The following SKIL variants were observed in gnomAD, a reference collection of about 807,000 sequenced individuals.
SKIL encodes SKI like proto-oncogene.
A neutral mutation model predicts 69.6 loss-of-function variants in SKIL; 20 were observed. The ratio of observed to expected loss-of-function variants is 0.29; its 90% CI spans 0.20 to 0.42. The LOEUF is 0.42. Ranked by LOEUF, SKIL falls within the 10% of genes least tolerant of loss-of-function variation. The probability of loss-of-function intolerance (pLI) is 1.00; values close to 1 mark genes in which losing one functional copy is unlikely to be tolerated. For missense variants in SKIL, 745 were observed against 783.1 expected (o/e 0.95, Z 0.58); for synonymous variants, 310 against 279.9 (o/e 1.11, Z -1.08).
intron 2 of SKIL, among the ~76,000 whole-genome samples, chr3:170,364,172 C>A (rs541286003): frequency 6.6e-6 from 1 of 152,022 alleles, no homozygotes; most frequent in African/African-American, 2.4e-5. Context: ...AGGCTGGCCT[C>A]GAACTCCTGA....
Position 170,395,692 on chromosome 3 carries a change from GGC to G in SKIL, c.*3276_*3277del, listed in dbSNP as rs1406288189. ...GCTTCTAAAATTTTCTTCTCAATAA[GGC>G]ATATGTTTTGATTACTTAGGGAAGA... On this transcript the variant is annotated 3_prime_UTR_variant, in exon 7 of 7. Coordinates refer to ENST00000259119, the MANE Select transcript of SKIL (RefSeq NM_005414.5). The G allele has an allele frequency of 6.6e-6, 1 of 151,992 alleles. No individual in the cohort carries two copies. The highest frequency in any genetic ancestry group is 1.5e-5 in the Non-Finnish European group (1 of 67,906). 9.4% of individuals were successfully genotyped at this position (151,992 alleles called of 1,614,324 possible). A position where few individuals can be genotyped will look rare whatever the true frequency, so the allele number is the denominator to read the frequency against.
chr3:170,366,055 C>CT (rs753671366), intron 2 of SKIL, among the ~76,000 whole-genome samples: 1,651 of 128,298 alleles, frequency 0.013, 13 homozygotes, highest in Middle Eastern at 0.038. Flanking sequence ...TGCGCCTGGC[C>CT]TTTTTTTTTT....
intron 2 of SKIL, among the ~76,000 whole-genome samples, chr3:170,379,662 TGAGAC>T (rs1348716582): frequency 1.3e-5 from 2 of 152,144 alleles, no homozygotes; most frequent in African/African-American, 2.4e-5. Context: ...TTTTGTTTTT[TGAGAC>T]GATTCTTGCT....
chr3:170,388,389 T>A (rs1338934503), intron 4 of SKIL, among the ~76,000 whole-genome samples: 1 of 152,220 alleles, frequency 6.6e-6, no homozygotes, highest in Non-Finnish European at 1.5e-5. Context: ...TTATATATTC[T>A]GGATACTGGA....
chr3:170,380,649 A>T (rs1001900458), intron 2 of SKIL, among the ~76,000 whole-genome samples: 4 of 152,002 alleles, frequency 2.6e-5, no homozygotes, highest in African/African-American at 7.3e-5. Flanking sequence ...TCTCAAAAAA[A>T]AAAAAAAAAT....
At chr3:170,387,476 A>C (rs1737693615) in intron 4 of SKIL, among the ~76,000 whole-genome samples, 1 of 151,852 alleles carries the variant, frequency 6.6e-6, no homozygotes, top group African/African-American at 2.4e-5. Context: ...TGCTTCTTTC[A>C]TGAAAGATAA....
Position 170,360,348 on chromosome 3 carries a change from C to G in SKIL, c.17C>G (p.Thr6Arg), listed in dbSNP as rs772471612. The G allele has an allele frequency of 6.4e-7, 1 of 1,559,658 alleles. No homozygotes were observed. The highest frequency in any genetic ancestry group is 1.4e-5 in the African/African-American group (1 of 72,862). Residue 6 changes from threonine (T) to arginine (R), a missense_variant, in exon 2 of 7, where the codon ACA becomes AGA. Physicochemically the swap from Thr to Arg is moderately conservative, Grantham distance 71. Transcript: ENST00000259119. ...GAGTGTACCATGGAAAACCTCCAGA[C>G]AAATTTCTCCTTGGTTCAGGGCTCA... MENLQ[T>R]NFSLVQGSTK...
At chr3:170,359,469 G>C (rs953133883) in intron 1 of SKIL, among the ~76,000 whole-genome samples, 1 of 152,052 alleles carries the variant, frequency 6.6e-6, no homozygotes. Context: ...GTCGTGGCTT[G>C]TGCCTGTAGT....
intron 1 of SKIL, among the ~76,000 whole-genome samples, chr3:170,358,338 A>T (rs1271132356): frequency 7.1e-6 from 1 of 140,374 alleles, no homozygotes; most frequent in Non-Finnish European, 1.6e-5. Context: ...CGGTGTTGGG[A>T]GGGCACTTGG....
At chr3:170,383,649 G>A (rs79720986) in intron 3 of SKIL, among the ~76,000 whole-genome samples, 2,647 of 152,294 alleles carry the variant, frequency 0.017, 57 homozygotes, top group East Asian at 0.095. Context: ...AAGTAGTGAA[G>A]TATTTCAAGA....
chr3:170,390,255 A>G lies in SKIL; in HGVS notation c.1462A>G (p.Arg488Gly). 6.2e-7 allele frequency: 1 copy of G among 1,612,178 alleles called. No individual in the cohort carries two copies. Among genetic ancestry groups the G allele is most frequent in the Non-Finnish European group, 8.5e-7 (1 of 1,178,268 alleles). The change falls in exon 5 of 7, where the codon AGG becomes GGG. Residue 488 changes from arginine (R) to glycine (G), a missense_variant. Transcript: ENST00000259119. ...AATCTCAAATAATTCTACAAGTAAAAGGAAATCTGAGTCTGCCACTTGCAA... is the reference window on the plus strand; with the variant it reads ...AATCTCAAATAATTCTACAAGTAAAGGGAAATCTGAGTCTGCCACTTGCAA... Reference protein sequence around the residue: ...ASISNNSTSKRKSESATCNLV... With the variant: ...ASISNNSTSKGKSESATCNLV...
intron 2 of SKIL, among the ~76,000 whole-genome samples, chr3:170,371,220 G>C (rs947074840): frequency 6.6e-6 from 1 of 152,184 alleles, no homozygotes. Context: ...GGAGTAGTAG[G>C]CCTGGTGCGG....
At chr3:170,387,850 C>T (rs1337777230) in intron 4 of SKIL, among the ~76,000 whole-genome samples, 7 of 122,718 alleles carry the variant, frequency 5.7e-5, no homozygotes, top group East Asian at 2.5e-4. Flanking sequence ...AGGAGAATGG[C>T]GTGAACCCGG....
At chr3:170,364,499 A>G (rs1736408267) in intron 2 of SKIL, among the ~76,000 whole-genome samples, 1 of 150,888 alleles carries the variant, frequency 6.6e-6, no homozygotes, top group Non-Finnish European at 1.5e-5. Flanking sequence ...TGTTTTTTGT[A>G]TTTTTAGTAG....
intron 2 of SKIL, among the ~76,000 whole-genome samples, chr3:170,371,175 C>T (rs1229004012): frequency 6.6e-6 from 1 of 152,090 alleles, no homozygotes; most frequent in East Asian, 1.9e-4. Context: ...TGTGTTTGTG[C>T]AAAAGCATTT....
At chr3:170,367,777 AACTTTTAACATTTAG>A (rs1736615365) in intron 2 of SKIL, among the ~76,000 whole-genome samples, 2 of 152,100 alleles carry the variant, frequency 1.3e-5, no homozygotes, top group African/African-American at 4.8e-5. Flanking sequence ...CTAAAATTTA[AACTTTTAACATTTAG>A]ACTGGACTAC....
At chr3:170,358,778 G>A (rs1348704854) in intron 1 of SKIL, 2 of 152,164 alleles carry the variant, frequency 1.3e-5, no homozygotes, top group East Asian at 3.8e-4. Context: ...TGTGAGGTTT[G>A]TCTGCCTTGT....
chr3:170,366,034 G>A (rs1160718613), intron 2 of SKIL, among the ~76,000 whole-genome samples: 1 of 149,952 alleles, frequency 6.7e-6, no homozygotes, highest in African/African-American at 2.4e-5. Flanking sequence ...GGGATTACAG[G>A]CATGAGCCAT....
intron 4 of SKIL, among the ~76,000 whole-genome samples, chr3:170,389,095 ACTC>A (rs1039393669): frequency 2.6e-5 from 4 of 151,392 alleles, no homozygotes; most frequent in Non-Finnish European, 5.9e-5. Flanking sequence ...CTGGTGGTGA[ACTC>A]CTGACCTCAG....
Sources: gnomAD v4.1 joint callset for allele counts (sites outside exome capture counted in the v4.1 genomes callset) on GRCh38, gnomAD v4.1.1 for gene constraint, MANE v1.5 for transcripts, NCBI Gene and HGNC (gene_info 2026-07-23, HGNC 2026-07-21) for gene names.